KIDINS220: variants seen among roughly 807,000 people sequenced by gnomAD.
KIDINS220 encodes the protein kinase D-interacting substrate of 220 kDa.
Under a neutral mutation model 157.6 loss-of-function variants are expected in KIDINS220, and 63 were observed. The observed-to-expected ratio is 0.40, with a 90% CI of 0.33 to 0.49. The LOEUF is 0.49. KIDINS220 is among the 20% of genes least tolerant of loss of function. The pLI, the probability that KIDINS220 is intolerant of heterozygous loss-of-function variation, is 0.66. For missense variants in KIDINS220, 1,772 were observed against 2,171.2 expected (o/e 0.82, Z 3.65); for synonymous variants, 732 against 783.6 (o/e 0.93, Z 1.10).
intron 4 of KIDINS220, 27 bp downstream of exon 4, chr2:8,817,591 A>G: frequency 2.3e-6 from 3 of 1,278,844 alleles, no homozygotes; most frequent in Non-Finnish European, 3.3e-6. Flanking sequence ...ATTTCAGCTA[A>G]TTAAGAACAT....
At chr2:8,752,211 A>C (rs1483356282) in intron 22 of KIDINS220, among the ~76,000 whole-genome samples, 1 of 151,932 alleles carries the variant, frequency 6.6e-6, no homozygotes, top group East Asian at 1.9e-4. Flanking sequence ...TATACAGACG[A>C]GATTTCGCCA....
rs144492511 is a variant in KIDINS220 at position 8,785,820 on chromosome 2, G to A, written c.2150C>T (p.Ser717Leu). The change falls in exon 17 of 30, where the codon TCG becomes TTG. Residue 717 changes from serine (S) to leucine (L), a missense_variant. Ser to Leu is a moderately radical substitution (Grantham distance 145). Around this residue, in one of 3 missense-constraint regions of KIDINS220, gnomAD observed 725 missense variants for 1,017.1 expected, o/e 0.71. Coordinates refer to ENST00000256707, the MANE Select transcript of KIDINS220 (RefSeq NM_020738.4). ...NCRTWWQVLD[S>L]LLNSQRKRLH... ...GCGTTTTCTTTGGGAATTCAGGAGCGAGTCCAGCACTTGCCACCATGTACG... is the reference window on the plus strand; with the variant it reads ...GCGTTTTCTTTGGGAATTCAGGAGCAAGTCCAGCACTTGCCACCATGTACG... The A allele has an allele frequency of 1.7e-5, 28 of 1,614,054 alleles. No homozygotes were observed. The highest frequency in any genetic ancestry group is 2.2e-5 in the South Asian group (2 of 91,062).
downstream of KIDINS220, chr2:8,728,800 T>C (rs995448107): frequency 5.2e-6 from 5 of 968,724 alleles, no homozygotes; most frequent in Non-Finnish European, 6.1e-6. Context: ...TTCTGCCAAC[T>C]GCATGACTGT....
At chr2:8,748,052 T>A in intron 24 of KIDINS220, 52 bp from the exon 25 acceptor site, 1 of 1,049,792 alleles carries the variant, frequency 9.5e-7, no homozygotes. Context: ...GAAATGAAAG[T>A]GTAATGAGAT....
chr2:8,784,899 T>C (rs1472276960), intron 17 of KIDINS220, among the ~76,000 whole-genome samples: 1 of 152,238 alleles, frequency 6.6e-6, no homozygotes, highest in African/African-American at 2.4e-5. Flanking sequence ...CACTCCTTGG[T>C]ATTTACCCAA....
chr2:8,748,194 A>G (rs138534937), intron 24 of KIDINS220, among the ~76,000 whole-genome samples, 194 bp from the exon 25 acceptor site: 1 of 152,174 alleles, frequency 6.6e-6, no homozygotes, highest in Non-Finnish European at 1.5e-5. Context: ...ACATTTTTAT[A>G]TTGGTCATTT....
chr2:8,823,490 G>C (rs1678302493), intron 2 of KIDINS220, among the ~76,000 whole-genome samples: 2 of 146,336 alleles, frequency 1.4e-5, no homozygotes, highest in South Asian at 4.3e-4. Flanking sequence ...AAAAAGCCTA[G>C]ATGGTTTCAA....
In KIDINS220 at chr2:8,730,441, C is replaced by T. The variant is rs763897313; in HGVS notation, c.*279G>A. On this transcript the variant is annotated 3_prime_UTR_variant, in exon 30 of 30. Transcript: ENST00000256707. ...CTATCTTTATACTCAGATCTCACCT[C>T]GTCTCAAAAAGTTTTATGGGGTAAT... is the stretch of plus-strand genomic sequence containing the variant. 12 of 1,238,596 alleles carry T rather than the reference C, an allele frequency of 9.7e-6. No individual in the cohort carries two copies. Among genetic ancestry groups the T allele is most frequent in the Middle Eastern group, 3.2e-4 (1 of 3,170 alleles). 76.7% of individuals were successfully genotyped at this position (1,238,596 alleles called of 1,614,324 possible). A position where few individuals can be genotyped will look rare whatever the true frequency, so the allele number is the denominator to read the frequency against.
chr2:8,764,997 C>T (rs1339794965), intron 22 of KIDINS220, among the ~76,000 whole-genome samples: 1 of 152,152 alleles, frequency 6.6e-6, no homozygotes, highest in African/African-American at 2.4e-5. Flanking sequence ...ACATAAAGGA[C>T]TCATCTAATA....
chr2:8,762,715 G>T (rs947371828), intron 22 of KIDINS220, among the ~76,000 whole-genome samples: 1 of 151,936 alleles, frequency 6.6e-6, no homozygotes, highest in African/African-American at 2.4e-5. Context: ...CTCCAGGCTG[G>T]GCGACAGAGC....
intron 29 of KIDINS220, 138 bp from the exon 30 acceptor site, chr2:8,732,120 A>G (rs1315126957): frequency 2.9e-6 from 2 of 696,762 alleles, no homozygotes; most frequent in East Asian, 3.0e-5. Flanking sequence ...AGAATTCTAC[A>G]TAACACAGAT....
intron 20 of KIDINS220, among the ~76,000 whole-genome samples, 160 bp downstream of exon 20, chr2:8,778,479 A>G (rs190983573): frequency 2.3e-4 from 35 of 152,372 alleles, no homozygotes; most frequent in Admixed American, 1.1e-3. Flanking sequence ...AGGTGCAGAC[A>G]TTCCCTGAAA....
At chr2:8,733,969 C>T (rs996753470) in intron 28 of KIDINS220, among the ~76,000 whole-genome samples, 6 of 152,206 alleles carry the variant, frequency 3.9e-5, no homozygotes, top group Non-Finnish European at 8.8e-5. Flanking sequence ...AAAAATGCAG[C>T]TGGCTTGTGT....
At chr2:8,773,228 T>G (rs1670470801) in intron 21 of KIDINS220, among the ~76,000 whole-genome samples, 1 of 152,360 alleles carries the variant, frequency 6.6e-6, no homozygotes, top group Admixed American at 6.5e-5. Context: ...GAAAGTCTAC[T>G]GTATAGTCAG....
intron 2 of KIDINS220, among the ~76,000 whole-genome samples, chr2:8,820,532 C>T (rs1677787623): frequency 6.6e-6 from 1 of 152,196 alleles, no homozygotes; most frequent in Non-Finnish European, 1.5e-5. Context: ...AGGATTTAAA[C>T]ACGAACGCTG....
In KIDINS220 at chr2:8,729,730, A is replaced by G. The variant is rs1663769173; in HGVS notation, c.*990T>C. ...AGATAAAGTCTATCCTAGTATAGAG[A>G]GCAATGATTTAGTTTTACCTAATTA... On this transcript the variant is annotated 3_prime_UTR_variant, in exon 30 of 30. Coordinates refer to ENST00000256707, the MANE Select transcript of KIDINS220 (RefSeq NM_020738.4). 1 of 984,060 alleles carries G rather than the reference A, an allele frequency of 1.0e-6. No homozygotes were observed. Among genetic ancestry groups the G allele is most frequent in the Admixed American group, 6.1e-5 (1 of 16,272 alleles). The allele number at this position is 984,060 out of a possible 1,614,324, so 61.0% of individuals were successfully genotyped here. A position where few individuals can be genotyped will look rare whatever the true frequency, so the allele number is the denominator to read the frequency against.
At chr2:8,812,828 A>C (rs1039528092) in intron 5 of KIDINS220, among the ~76,000 whole-genome samples, 1 of 152,220 alleles carries the variant, frequency 6.6e-6, no homozygotes, top group Non-Finnish European at 1.5e-5. Context: ...CCAACAGGCA[A>C]TACTAGTAAG....
At position 8,731,591 on chromosome 2, in the gene KIDINS220, T is replaced by G; in HGVS notation, c.4445A>C (p.Lys1482Thr). 1 of 1,614,074 alleles carries G rather than the reference T, an allele frequency of 6.2e-7. No individual in the cohort carries two copies. The highest frequency in any genetic ancestry group is 8.5e-7 in the Non-Finnish European group (1 of 1,179,974). Residue 1482 changes from lysine to threonine, a missense_variant, in exon 30 of 30, where the codon AAA (lysine) becomes ACA (threonine). Transcript: ENST00000256707. The surrounding 1 kb of genome is among the most constrained non-coding windows in gnomAD (Gnocchi z 5.2). ...AAGCTTACTGCCTGACTGATCTGAT[T>G]TTTCATCTTCTTCAGTGATAGGATC... The part of the protein sequence containing the change: ...PLDPITEEDE[K>T]SDQSGSKLLP...
intron 2 of KIDINS220, among the ~76,000 whole-genome samples, chr2:8,820,881 A>G (rs958092573): frequency 2.6e-5 from 4 of 152,222 alleles, no homozygotes. Context: ...TATACATTCT[A>G]TAGAACTGTT....
Sources: gnomAD v4.1 joint callset for allele counts (sites outside exome capture counted in the v4.1 genomes callset) on GRCh38, gnomAD v4.1.1 for gene constraint, gnomAD v4.1.1 regional missense constraint, Gnocchi (gnomAD v3.1) non-coding constraint, MANE v1.5 for transcripts, NCBI Gene and HGNC (gene_info 2026-07-23, HGNC 2026-07-21) for gene names.